PROSER1: variants seen among roughly 807,000 people sequenced by gnomAD.
PROSER1 encodes proline and serine rich 1, also known as proline and serine-rich protein 1.
PROSER1 carries 36 observed loss-of-function variants against 71.8 expected under a neutral mutation model. The ratio of observed to expected loss-of-function variants is 0.50; its 90% CI spans 0.38 to 0.66. The LOEUF (loss-of-function observed/expected upper bound fraction) is 0.66, where lower values mean the gene tolerates loss of function less well. PROSER1 is among the 30% of genes least tolerant of loss of function. The pLI is 0.00. For synonymous variants in PROSER1, 490 were observed against 452.4 expected, an observed-to-expected ratio of 1.08 and a Z score of -1.06; for missense variants, 1,107 against 1,135.0, an observed-to-expected ratio of 0.98 and a Z score of 0.35.
chr13:39,026,462 T>TA (rs370632895), intron 5 of PROSER1, 75 bp from the exon 6 acceptor site: 170 of 850,252 alleles, frequency 2.0e-4, no homozygotes, highest in African/African-American at 3.7e-4. Flanking sequence ...GGAGCTCAGC[T>TA]AAAAAAAACA....
chr13:39,031,590 C>G lies in PROSER1; in HGVS notation c.153G>C (p.Gln51His). The change falls in exon 3 of 13, where the codon CAG becomes CAC. Residue 51 changes from glutamine to histidine, a missense_variant. Gln to His is a conservative substitution (Grantham distance 24). Coordinates refer to ENST00000352251, the MANE Select transcript of PROSER1 (RefSeq NM_025138.5). Reference protein sequence around the residue: ...LLRYFSWAEPQLKAMKALQHK... With the variant: ...LLRYFSWAEPHLKAMKALQHK... ...GCTGTAATGCTTTCATTGCCTTCAA[C>G]TGGGGCTCGGCCCAGGAAAAATATC... is the stretch of plus-strand genomic sequence containing the variant. 1 of 1,613,020 alleles carries G rather than the reference C, an allele frequency of 6.2e-7. No individual in the cohort carries two copies.
intron 10 of PROSER1, among the ~76,000 whole-genome samples, chr13:39,017,091 A>G (rs1026055481): frequency 6.6e-6 from 1 of 152,238 alleles, no homozygotes; most frequent in Non-Finnish European, 1.5e-5. Flanking sequence ...TATGCTTAAT[A>G]ATACTTATTG....
chr13:39,013,671 T>TG lies in PROSER1; in HGVS notation c.1580dup (p.Gln528ThrfsTer20), dbSNP rs1284193807. On this transcript the variant is annotated frameshift_variant, in exon 11 of 13. Transcript: ENST00000352251. LOFTEE classifies it high-confidence loss of function. The stretch of plus-strand genomic sequence containing the variant: ...CCAACCCTGGAGTGGAAGTCCTCTG[T>TG]GGGGTAGGGATGGCTGATGGGGCAT... The TG allele has an allele frequency of 2.5e-6, 4 of 1,613,730 alleles. No individual in the cohort carries two copies. Among genetic ancestry groups the TG allele is most frequent in the Non-Finnish European group, 3.4e-6 (4 of 1,179,942 alleles).
chr13:39,026,608 A>G, intron 5 of PROSER1: 1 of 434,264 alleles, frequency 2.3e-6, no homozygotes, highest in Non-Finnish European at 4.1e-6. Context: ...ATGCTGCAAC[A>G]GACTCATACA....
At chr13:39,012,266 C>T in intron 11 of PROSER1, 33 bp from the exon 12 acceptor site, 1 of 1,600,516 alleles carries the variant, frequency 6.2e-7, no homozygotes, top group African/African-American at 1.3e-5. Context: ...AAGTTAACTG[C>T]AGACAAGACA....
intron 9 of PROSER1, among the ~76,000 whole-genome samples, chr13:39,021,975 C>G (rs562777311): frequency 3.7e-4 from 57 of 152,262 alleles, no homozygotes; most frequent in African/African-American, 1.3e-3. Flanking sequence ...ATTGAAATGG[C>G]CTTCTCTTTC....
chr13:39,032,558 T>C (rs1465513387), intron 2 of PROSER1, among the ~76,000 whole-genome samples: 9 of 152,002 alleles, frequency 5.9e-5, no homozygotes, highest in Admixed American at 5.9e-4. Flanking sequence ...CAAACTGGAG[T>C]GGTATGTAAA....
At chr13:39,019,052 CATTTTCTACCAAA>C (rs1870155609) in intron 9 of PROSER1, among the ~76,000 whole-genome samples, 1 of 152,092 alleles carries the variant, frequency 6.6e-6, no homozygotes, top group African/African-American at 2.4e-5. Flanking sequence ...TCTTACACGT[CATTTTCTACCAAA>C]AGAAAATTAT....
At position 39,010,956 on chromosome 13, in the gene PROSER1, C is replaced by G. The variant is rs1333247765; in HGVS notation, c.*409G>C. 5.7e-6 allele frequency: 1 copy of G among 175,450 alleles called. No homozygotes were observed. The highest frequency in any genetic ancestry group is 1.2e-5 in the Non-Finnish European group (1 of 83,044). The allele number at this position is 175,450 out of a possible 1,614,324, so 10.9% of individuals were successfully genotyped here. On this transcript the variant is annotated 3_prime_UTR_variant, in exon 13 of 13. Coordinates refer to ENST00000352251, the MANE Select transcript of PROSER1 (RefSeq NM_025138.5). ...ATGCATACCAAGGGTAGTAACTCCC[C>G]CAGGGCCACATGCAACCCCCAAGTC...
chr13:39,028,490 A>C (rs540407042), intron 4 of PROSER1, among the ~76,000 whole-genome samples, 170 bp from the exon 5 acceptor site: 1 of 152,302 alleles, frequency 6.6e-6, no homozygotes, highest in South Asian at 2.1e-4. Context: ...TTTATATATA[A>C]ATATAATAAC....
At chr13:39,036,441 C>T (rs1190372439) in intron 1 of PROSER1, among the ~76,000 whole-genome samples, 1 of 152,068 alleles carries the variant, frequency 6.6e-6, no homozygotes, top group African/African-American at 2.4e-5. Context: ...GAATAATTGC[C>T]CGGAAGGCCG....
At chr13:39,011,577 G>C (rs1439486395) in intron 12 of PROSER1, 90 bp from the exon 13 acceptor site, 3 of 1,293,616 alleles carry the variant, frequency 2.3e-6, no homozygotes, top group South Asian at 1.5e-5. Context: ...GAGATATTCA[G>C]AATAGGAAAG....
Position 39,031,590 on chromosome 13 carries a change from C to T in PROSER1, c.153G>A (p.Gln51=), listed in dbSNP as rs1184725988. 4 of 1,613,020 alleles carry T rather than the reference C, an allele frequency of 2.5e-6. No homozygotes were observed. In the Admixed American group the frequency reaches 6.7e-5, roughly 27 times the overall value. Residue 51 remains glutamine, a synonymous_variant, in exon 3 of 13, where the codon CAG becomes CAA. Coordinates refer to ENST00000352251, the MANE Select transcript of PROSER1 (RefSeq NM_025138.5). Reference sequence around the variant, plus strand: ...GCTGTAATGCTTTCATTGCCTTCAACTGGGGCTCGGCCCAGGAAAAATATC... The same window carrying T: ...GCTGTAATGCTTTCATTGCCTTCAATTGGGGCTCGGCCCAGGAAAAATATC... ...LLRYFSWAEP[Q]LKAMKALQHK...
intron 10 of PROSER1, 53 bp from the exon 11 acceptor site, chr13:39,014,529 A>T: frequency 7.6e-7 from 1 of 1,322,818 alleles, no homozygotes. Flanking sequence ...TGAAACGTCA[A>T]ATTTTGAATT....
In PROSER1 at chr13:39,012,750, G is replaced by A. The variant is rs747207664; in HGVS notation, c.2502C>T (p.Leu834=). Residue 834 remains leucine (L), a synonymous_variant, in exon 11 of 13, where the codon CTC becomes CTT. Coordinates refer to ENST00000352251, the MANE Select transcript of PROSER1 (RefSeq NM_025138.5). The stretch of plus-strand genomic sequence containing the variant: ...AACTGAATGCTGAGGCGAATCCTGG[G>A]AGGACTGGAGCTGGGGATGGGGCTG... The part of the protein sequence containing the change: ...AATAPSPAPV[L]PGFASAFSSN... The A allele has an allele frequency of 5.0e-6, 8 of 1,612,598 alleles. No homozygotes were observed. Among genetic ancestry groups the A allele is most frequent in the Non-Finnish European group, 6.8e-6 (8 of 1,179,190 alleles).
intron 5 of PROSER1, among the ~76,000 whole-genome samples, chr13:39,027,170 T>C (rs865941424): frequency 3.4e-5 from 5 of 147,576 alleles, no homozygotes; most frequent in Middle Eastern, 3.2e-3. Flanking sequence ...ACAACACATA[T>C]ATGTATATTA....
At position 39,022,388 on chromosome 13, in the gene PROSER1, A is replaced by G; in HGVS notation, c.668T>C (p.Val223Ala). ...APSAYNNAGL[V>A]PLANVIAPPP... Reference sequence around the variant, plus strand: ...TGGAGCTATGACATTCGCTAATGGTACCAGACCTGCATTGTTATAAGCACC... The same window carrying G: ...TGGAGCTATGACATTCGCTAATGGTGCCAGACCTGCATTGTTATAAGCACC... Residue 223 changes from valine (V) to alanine (A), a missense_variant, in exon 9 of 13, where the codon GTA becomes GCA. Transcript: ENST00000352251. 1 of 1,612,718 alleles carries G rather than the reference A, an allele frequency of 6.2e-7. No individual in the cohort carries two copies. Among genetic ancestry groups the G allele is most frequent in the Non-Finnish European group, 8.5e-7 (1 of 1,178,710 alleles).
Position 39,014,191 on chromosome 13 carries a change from G to A in PROSER1, c.1061C>T (p.Thr354Ile), listed in dbSNP as rs760009020. 2.5e-6 allele frequency: 4 copies of A among 1,614,066 alleles called. No individual in the cohort carries two copies. The highest frequency in any genetic ancestry group is 2.2e-5 in the South Asian group (2 of 91,092). ...TAPVTSIHST[T>I]TTPVPSIFSG... is the part of the protein sequence containing the mutation. The stretch of plus-strand genomic sequence containing the variant: ...AAAAATGGAAGGAACAGGAGTGGTG[G>A]TTGTACTGTGGATGGATGTAACAGG... The change falls in exon 11 of 13, where the codon ACC (threonine) becomes ATC (isoleucine). Residue 354 changes from threonine to isoleucine, a missense_variant. Physicochemically the swap from Thr to Ile is moderately conservative, Grantham distance 89. Coordinates refer to ENST00000352251, the MANE Select transcript of PROSER1 (RefSeq NM_025138.5).
rs1326400460 is a variant in PROSER1, at chr13:39,012,080, T to G, written c.2712+3A>C. The G allele has an allele frequency of 6.2e-7, 1 of 1,612,360 alleles. No individual in the cohort carries two copies. The highest frequency in any genetic ancestry group is 8.5e-7 in the Non-Finnish European group (1 of 1,179,302). ...GTAATTTATGCCAGCCATTGCTGCT[T>G]ACCTGCTGTAACAATGCTGACTGCG... On this transcript the variant is annotated splice_donor_region_variant and intron_variant, in intron 12 of 12. Transcript: ENST00000352251.
Sources: gnomAD v4.1 joint callset for allele counts (sites outside exome capture counted in the v4.1 genomes callset) on GRCh38, gnomAD v4.1.1 for gene constraint, MANE v1.5 for transcripts, NCBI Gene and HGNC (gene_info 2026-07-23, HGNC 2026-07-21) for gene names.